BAALC: variants seen among roughly 807,000 people sequenced by gnomAD.
BAALC encodes the protein BAALC binder of MAP3K1 and KLF4.
In BAALC, 9 loss-of-function variants were observed where a neutral mutation model predicts 15.5. The observed-to-expected ratio is 0.58, with a 90% CI of 0.35 to 1.02. The LOEUF is 1.02. Among genes scored for constraint, BAALC ranks in the 50% least tolerant of loss-of-function variants. The pLI is 0.02. For missense variants in BAALC, 201 were observed against 192.4 expected (o/e 1.04, Z -0.27); for synonymous variants, 80 against 74.6 (o/e 1.07, Z -0.37).
chr8:103,182,359 A>C (rs1811747138), intron 1 of BAALC, among the ~76,000 whole-genome samples: 1 of 152,188 alleles, frequency 6.6e-6, no homozygotes. Context: ...AATGGCTTTT[A>C]TTGCTTTCTG....
intron 1 of BAALC, among the ~76,000 whole-genome samples, chr8:103,186,835 G>A (rs981658125): frequency 6.6e-6 from 1 of 152,140 alleles, no homozygotes; most frequent in African/African-American, 2.4e-5. Context: ...TATTTCATAT[G>A]GTTCAAGGTT....
intron 1 of BAALC, among the ~76,000 whole-genome samples, chr8:103,142,280 A>G (rs1187612388): frequency 6.6e-6 from 1 of 152,266 alleles, no homozygotes; most frequent in African/African-American, 2.4e-5. Context: ...CTCCTTTTCC[A>G]CATTAACTTT....
chr8:103,218,176 C>G lies in BAALC; in HGVS notation c.327+5091C>G, dbSNP rs553068884. Reference sequence around the variant, plus strand: ...TCCACTTCATGTCCCATCAAACAAACCATATCTTCCTTTTTGTCAATTCCC... The same window carrying G: ...TCCACTTCATGTCCCATCAAACAAAGCATATCTTCCTTTTTGTCAATTCCC... On this transcript the variant is annotated intron_variant, in intron 2 of 2. Transcript: ENST00000309982. 2.0e-5 allele frequency among the ~76,000 whole-genome samples: 3 copies of G among 152,160 alleles called. No individual in the cohort carries two copies. In the East Asian group the frequency reaches 5.8e-4, roughly 29 times the overall value.
chr8:103,221,925 G>A (rs889992815), intron 2 of BAALC, among the ~76,000 whole-genome samples: 4 of 152,158 alleles, frequency 2.6e-5, no homozygotes, highest in Non-Finnish European at 5.9e-5. Context: ...GGCACAGCTT[G>A]GTTTTATATA....
intron 1 of BAALC, among the ~76,000 whole-genome samples, chr8:103,211,458 T>C (rs1812444844): frequency 6.6e-6 from 1 of 152,230 alleles, no homozygotes; most frequent in Non-Finnish European, 1.5e-5. Context: ...CGTCCTCATT[T>C]TGTGGTTATA....
rs757199009 is a variant in BAALC at position 103,172,487 on chromosome 8, G to A, written c.160+31430G>A. Among the ~76,000 whole-genome samples, 5 of 147,384 alleles carry A rather than the reference G, an allele frequency of 3.4e-5. No individual in the cohort carries two copies. The Admixed American group carries it at 3.5e-4, about 10-fold the overall frequency. ...CATGATCTCAGCTCACTGCATCCTC[G>A]GCCTCCCGGGTTCAGCCAATTCTCC... On this transcript the variant is annotated intron_variant, in intron 1 of 2. Coordinates refer to ENST00000309982, the MANE Select transcript of BAALC (RefSeq NM_024812.3).
intron 1 of BAALC, chr8:103,198,241 CATT>C (rs1443262137): frequency 3.3e-6 from 2 of 614,046 alleles, no homozygotes; most frequent in Non-Finnish European, 5.8e-6. Context: ...TCTTATGTAT[CATT>C]ATATTTGACT....
chr8:103,203,470 G>A (rs1812263831), intron 1 of BAALC, among the ~76,000 whole-genome samples: 1 of 152,120 alleles, frequency 6.6e-6, no homozygotes, highest in African/African-American at 2.4e-5. Flanking sequence ...CCCATTTAAA[G>A]CATACAATTA....
chr8:103,192,037 C>G (rs1811979778), intron 1 of BAALC, among the ~76,000 whole-genome samples: 1 of 152,110 alleles, frequency 6.6e-6, no homozygotes, highest in African/African-American at 2.4e-5. Flanking sequence ...TCAACAACTA[C>G]TTAATTATTA....
Position 103,229,114 on chromosome 8 carries a change from A to T in BAALC, c.*1015A>T, listed in dbSNP as rs1375805038. On this transcript the variant is annotated 3_prime_UTR_variant, in exon 3 of 3. Transcript: ENST00000309982. ...GAAAGCCAGCACCTGGTTGATGTGT[A>T]TTCATACTGACATTAGATTGATGTG... 1 of 152,254 alleles carries T rather than the reference A, an allele frequency of 6.6e-6. No homozygotes were observed. Among genetic ancestry groups the T allele is most frequent in the Non-Finnish European group, 1.5e-5 (1 of 68,052 alleles). The allele number at this position is 152,254 out of a possible 1,614,324, so 9.4% of individuals were successfully genotyped here.
chr8:103,197,149 G>A (rs546241968), intron 1 of BAALC, among the ~76,000 whole-genome samples: 1 of 152,260 alleles, frequency 6.6e-6, no homozygotes, highest in Non-Finnish European at 1.5e-5. Context: ...ACTAATTATT[G>A]CCTAGCTCTG....
chr8:103,198,544 G>A (rs1812145055), intron 1 of BAALC, among the ~76,000 whole-genome samples: 1 of 151,300 alleles, frequency 6.6e-6, no homozygotes, highest in Non-Finnish European at 1.5e-5. Flanking sequence ...TGTTTTCTGT[G>A]TGTATATGTG....
chr8:103,184,989 G>T (rs759088819), intron 1 of BAALC, among the ~76,000 whole-genome samples: 1 of 152,110 alleles, frequency 6.6e-6, no homozygotes, highest in Non-Finnish European at 1.5e-5. Context: ...CCTTGGGCAC[G>T]GTGACATGAT....
intron 1 of BAALC, among the ~76,000 whole-genome samples, chr8:103,163,592 C>T (rs56409545): frequency 0.086 from 13,144 of 152,218 alleles, 750 homozygotes; most frequent in Middle Eastern, 0.13. Context: ...TAATCAGGCA[C>T]CAACTTCTAC....
At chr8:103,209,723 C>A (rs553457878) in intron 1 of BAALC, among the ~76,000 whole-genome samples, 1 of 152,320 alleles carries the variant, frequency 6.6e-6, no homozygotes, top group East Asian at 1.9e-4. Flanking sequence ...TTGTGACTCA[C>A]CCCATGAGTT....
intron 1 of BAALC, among the ~76,000 whole-genome samples, chr8:103,192,012 CAG>C (rs1811979169): frequency 1.3e-5 from 2 of 152,272 alleles, no homozygotes; most frequent in Non-Finnish European, 2.9e-5. Context: ...ACTGCCACAA[CAG>C]AGAGTCTGGG....
chr8:103,190,742 C>T (rs1408923320), intron 1 of BAALC, among the ~76,000 whole-genome samples: 4 of 152,174 alleles, frequency 2.6e-5, no homozygotes, highest in Non-Finnish European at 5.9e-5. Context: ...ATTTTCAACT[C>T]CTGCCCTAGA....
intron 1 of BAALC, among the ~76,000 whole-genome samples, chr8:103,161,634 C>A (rs1811226498): frequency 6.6e-6 from 1 of 151,764 alleles, no homozygotes; most frequent in Non-Finnish European, 1.5e-5. Context: ...TTAGGTAGAT[C>A]CCTAAAAAGT....
At chr8:103,200,380 T>C (rs1281082174) in intron 1 of BAALC, among the ~76,000 whole-genome samples, 1 of 152,194 alleles carries the variant, frequency 6.6e-6, no homozygotes, top group African/African-American at 2.4e-5. Context: ...ATCTAATTTC[T>C]AATATCCACC....
Sources: allele counts gnomAD v4.1 joint callset (sites outside exome capture counted in the v4.1 genomes callset), GRCh38; gene constraint gnomAD v4.1.1; transcripts MANE v1.5; gene names NCBI Gene and HGNC (gene_info 2026-07-23, HGNC 2026-07-21).